Variants in ADAMTSL3 observed in about 807,000 individuals in gnomAD.
ADAMTSL3 encodes ADAMTS-like protein 3.
ADAMTSL3 carries 128 observed loss-of-function variants against 201.7 expected under a neutral mutation model. The ratio of observed to expected loss-of-function variants is 0.63; its 90% confidence interval spans 0.55 to 0.73. The LOEUF (loss-of-function observed/expected upper bound fraction) is 0.73, where lower values mean the gene tolerates loss of function less well. Ranked by LOEUF, ADAMTSL3 falls within the 30% of genes least tolerant of loss-of-function variation. ADAMTSL3 has a pLI of 0.00. For synonymous variants in ADAMTSL3, 738 were observed against 748.4 expected, an observed-to-expected ratio of 0.99 and a Z score of 0.23; for missense variants, 1,990 against 2,119.6, an observed-to-expected ratio of 0.94 and a Z score of 1.20.
rs1186674867 is a variant in ADAMTSL3, at chr15:83,823,972, TCTCCTC to T, written c.600+3940_600+3945del. On this transcript the variant is annotated intron_variant, in intron 6 of 29. Coordinates refer to ENST00000286744, the MANE Select transcript of ADAMTSL3 (RefSeq NM_207517.3). Reference sequence around the variant, plus strand: ...TTCTTCTTCTTCTTCTTCTTCTTCTTCTCCTCCTCCTCCTCCTCCTTCTCCTTCTTC... The same window carrying T: ...TTCTTCTTCTTCTTCTTCTTCTTCTTCTCCTCCTCCTCCTTCTCCTTCTTC... Among the ~76,000 whole-genome samples, 7 of 71,214 alleles carry T rather than the reference TCTCCTC, an allele frequency of 9.8e-5. 1 individual carries two copies. Among genetic ancestry groups the T allele is most frequent in the South Asian group, 4.4e-4 (1 of 2,252 alleles). The allele number at this position is 71,214 out of a possible 152,430, so 46.7% of individuals were successfully genotyped here. A position where few individuals can be genotyped will look rare whatever the true frequency, so the allele number is the denominator to read the frequency against.
chr15:83,813,113 T>C (rs2063722895), intron 5 of ADAMTSL3, among the ~76,000 whole-genome samples: 1 of 152,260 alleles, frequency 6.6e-6, no homozygotes, highest in Non-Finnish European at 1.5e-5. Flanking sequence ...CAAGAATTGC[T>C]GTGGTTTTGG....
At chr15:84,032,713 T>A (rs1461269065) in intron 28 of ADAMTSL3, among the ~76,000 whole-genome samples, 2 of 152,244 alleles carry the variant, frequency 1.3e-5, no homozygotes, top group African/African-American at 4.8e-5. Flanking sequence ...TACTCAATAT[T>A]CTATCTAAAT....
chr15:83,699,107 TATACATAC>T (rs529844314), intron 2 of ADAMTSL3, among the ~76,000 whole-genome samples: 1 of 151,942 alleles, frequency 6.6e-6, no homozygotes, highest in African/African-American at 2.4e-5. Flanking sequence ...TATATGTAAA[TATACATAC>T]ATACATACAT....
chr15:83,773,503 G>C lies in ADAMTSL3; in HGVS notation c.190-20G>C. 1 of 1,591,456 alleles carries C rather than the reference G, an allele frequency of 6.3e-7. No homozygotes were observed. On this transcript the variant is annotated intron_variant, in intron 3 of 29. Coordinates refer to ENST00000286744, the MANE Select transcript of ADAMTSL3 (RefSeq NM_207517.3). ...TTATTGTGTGGTTTTTTTTTTGTTT[G>C]TTTGCTTTTTAACATCTAGACCTCA...
intron 19 of ADAMTSL3, among the ~76,000 whole-genome samples, chr15:83,949,551 G>A (rs1480646499): frequency 1.3e-5 from 2 of 151,974 alleles, no homozygotes; most frequent in African/African-American, 2.4e-5. Flanking sequence ...AGATCATATG[G>A]TAGCTCTATT....
intron 10 of ADAMTSL3, among the ~76,000 whole-genome samples, chr15:83,888,085 G>A (rs1004545705): frequency 6.6e-6 from 1 of 152,186 alleles, no homozygotes; most frequent in Admixed American, 6.5e-5. Flanking sequence ...GGGTGCCCAT[G>A]GAAAGACATA....
intron 3 of ADAMTSL3, among the ~76,000 whole-genome samples, chr15:83,736,106 A>C (rs979307009): frequency 3.3e-5 from 5 of 152,138 alleles, no homozygotes; most frequent in Non-Finnish European, 7.3e-5. Flanking sequence ...ACCCTGTGTA[A>C]TAAGCTAGTG....
chr15:83,938,873 G>A (rs1484101929), intron 17 of ADAMTSL3, among the ~76,000 whole-genome samples: 4 of 152,064 alleles, frequency 2.6e-5, no homozygotes, highest in Admixed American at 2.6e-4. Context: ...GCTATTTTTT[G>A]TAACAAAGGG....
In ADAMTSL3 at chr15:83,858,748, C is replaced by G. The variant is rs370791528; in HGVS notation, c.728-18C>G. 1.9e-6 allele frequency: 3 copies of G among 1,603,406 alleles called. No individual in the cohort carries two copies. Among genetic ancestry groups the G allele is most frequent in the Middle Eastern group, 1.7e-4 (1 of 6,046 alleles). The stretch of plus-strand genomic sequence containing the variant: ...TAGTGTACTGGTTTTATTGCAGTTG[C>G]GTTCTGTTCTTTCCCAGGAGAAGAA... On this transcript the variant is annotated intron_variant, in intron 7 of 29. Coordinates refer to ENST00000286744, the MANE Select transcript of ADAMTSL3 (RefSeq NM_207517.3).
At chr15:83,824,687 C>G (rs55841404) in intron 6 of ADAMTSL3, among the ~76,000 whole-genome samples, 1,792 of 152,184 alleles carry the variant, frequency 0.012, 41 homozygotes, top group African/African-American at 0.041. Context: ...TTTACTGTCT[C>G]CATAGTTTTT....
Position 83,982,416 on chromosome 15 carries a change from G to A in ADAMTSL3, c.2788G>A (p.Val930Met), listed in dbSNP as rs781392033. The A allele has an allele frequency of 9.9e-6, 16 of 1,613,992 alleles. No individual in the cohort carries two copies. In the African/African-American group the frequency reaches 1.1e-4, roughly 11 times the overall value. ...AGCCTATTTGCTGCCCAACACATCC[G>A]TGATTATTAAGTGCCCCGTGCGACG... ...SRAYLLPNTS[V>M]IIKCPVRRFQ... Residue 930 changes from valine to methionine, a missense_variant, in exon 21 of 30, where the codon GTG (valine) becomes ATG (methionine). Physicochemically the swap from Val to Met is conservative, Grantham distance 21. Coordinates refer to ENST00000286744, the MANE Select transcript of ADAMTSL3 (RefSeq NM_207517.3).
At chr15:83,707,020 A>T (rs2061862379) in intron 3 of ADAMTSL3, among the ~76,000 whole-genome samples, 1 of 152,118 alleles carries the variant, frequency 6.6e-6, no homozygotes, top group South Asian at 2.1e-4. Flanking sequence ...TGGGGAAAGG[A>T]TAAAACCAAT....
chr15:83,762,146 G>A (rs1383089347), intron 3 of ADAMTSL3, among the ~76,000 whole-genome samples: 1 of 152,098 alleles, frequency 6.6e-6, no homozygotes, highest in Non-Finnish European at 1.5e-5. Flanking sequence ...CACCTCCTGG[G>A]TTCAAGTGAT....
intron 21 of ADAMTSL3, among the ~76,000 whole-genome samples, chr15:83,984,408 C>T (rs563653050): frequency 1.3e-5 from 2 of 152,256 alleles, no homozygotes; most frequent in Non-Finnish European, 1.5e-5. Context: ...TAGGCTATAT[C>T]TTAAAAAGGT....
chr15:83,888,881 GA>G, intron 10 of ADAMTSL3, among the ~76,000 whole-genome samples: 1 of 152,202 alleles, frequency 6.6e-6, no homozygotes, highest in Non-Finnish European at 1.5e-5. Context: ...TATAAAATCA[GA>G]TTCCTCTCGA....
intron 2 of ADAMTSL3, among the ~76,000 whole-genome samples, chr15:83,659,245 G>A (rs2061132205): frequency 1.3e-5 from 2 of 152,182 alleles, no homozygotes; most frequent in South Asian, 2.1e-4. Context: ...TGAAAGGCAG[G>A]AGACATTTGG....
intron 20 of ADAMTSL3, among the ~76,000 whole-genome samples, chr15:83,974,957 C>T (rs576398722): frequency 2.5e-4 from 38 of 151,542 alleles, no homozygotes; most frequent in African/African-American, 8.9e-4. Flanking sequence ...TCATCTCTCC[C>T]GCCTGTGGTC....
At chr15:83,752,174 C>A (rs1462556828) in intron 3 of ADAMTSL3, among the ~76,000 whole-genome samples, 1 of 152,134 alleles carries the variant, frequency 6.6e-6, no homozygotes, top group African/African-American at 2.4e-5. Flanking sequence ...GACAAAAGTG[C>A]TAAAAAGAGA....
chr15:83,988,519 C>T (rs1032461616), intron 21 of ADAMTSL3, among the ~76,000 whole-genome samples, 172 bp from the exon 22 acceptor site: 1 of 152,178 alleles, frequency 6.6e-6, no homozygotes, highest in Non-Finnish European at 1.5e-5. Context: ...ACTCCACCCT[C>T]CTGGTCTATA....
Sources: gnomAD v4.1 joint callset for allele counts (sites outside exome capture counted in the v4.1 genomes callset) on GRCh38, gnomAD v4.1.1 for gene constraint, MANE v1.5 for transcripts, NCBI Gene and HGNC (gene_info 2026-07-23, HGNC 2026-07-21) for gene names.